FOXN3: variants seen among roughly 807,000 people sequenced by gnomAD.
FOXN3 encodes forkhead box N3.
A neutral mutation model predicts 38.4 loss-of-function variants in FOXN3; 7 were observed. The observed-to-expected ratio is 0.18, with a 90% CI of 0.10 to 0.34. The LOEUF is 0.34. Ranked by LOEUF, FOXN3 falls within the 10% of genes least tolerant of loss-of-function variation. The pLI, the probability that FOXN3 is intolerant of heterozygous loss-of-function variation, is 1.00. For missense variants in FOXN3, 456 were observed against 613.4 expected, an observed-to-expected ratio of 0.74 and a Z score of 2.71; for synonymous variants, 230 against 242.2, an observed-to-expected ratio of 0.95 and a Z score of 0.47.
chr14:89,293,629 T>C (rs560832460), intron 3 of FOXN3, among the ~76,000 whole-genome samples: 2 of 152,278 alleles, frequency 1.3e-5, no homozygotes, highest in Non-Finnish European at 2.9e-5. Context: ...CCCACTCCAG[T>C]GTGACCTCAT....
At chr14:89,487,185 A>G (rs1272457716) in intron 1 of FOXN3, among the ~76,000 whole-genome samples, 1 of 152,252 alleles carries the variant, frequency 6.6e-6, no homozygotes, top group African/African-American at 2.4e-5. Flanking sequence ...GCTGCAAGTT[A>G]TCAGGCCATG....
intron 1 of FOXN3, among the ~76,000 whole-genome samples, chr14:89,554,389 G>A (rs1404826600): frequency 6.6e-6 from 1 of 152,136 alleles, no homozygotes; most frequent in East Asian, 1.9e-4. Context: ...CTCCGCCTAG[G>A]TCTTCCAAAG....
chr14:89,477,751 C>A (rs1470530352), intron 1 of FOXN3, among the ~76,000 whole-genome samples: 1 of 152,106 alleles, frequency 6.6e-6, no homozygotes, highest in African/African-American at 2.4e-5. Flanking sequence ...TTTCTGAATT[C>A]TTGGAAGACA....
intron 1 of FOXN3, among the ~76,000 whole-genome samples, chr14:89,568,412 CT>C (rs1048914059): frequency 5.9e-5 from 9 of 152,184 alleles, no homozygotes; most frequent in African/African-American, 1.9e-4. Context: ...CTCCCTGCCC[CT>C]GACCACCTCC....
chr14:89,379,917 TC>T (rs1397566166), intron 2 of FOXN3, among the ~76,000 whole-genome samples: 6 of 152,174 alleles, frequency 3.9e-5, no homozygotes, highest in Admixed American at 1.3e-4. Flanking sequence ...TGCCTCAGCC[TC>T]CCAAAGTGCT....
upstream of FOXN3, among the ~76,000 whole-genome samples, chr14:89,420,976 AC>A (rs1891889012): frequency 6.6e-6 from 1 of 152,036 alleles, no homozygotes; most frequent in Non-Finnish European, 1.5e-5. Flanking sequence ...AACCAGCAGA[AC>A]AACTCAGAAA....
At chr14:89,619,010 G>A (rs565865178) in intron 1 of FOXN3, 2 of 152,456 alleles carry the variant, frequency 1.3e-5, no homozygotes, top group Non-Finnish European at 2.9e-5. Context: ...GGCAGGAAAT[G>A]AGCCCCATTT....
chr14:89,404,017 G>A (rs1008016330), intron 2 of FOXN3, among the ~76,000 whole-genome samples: 2 of 152,212 alleles, frequency 1.3e-5, no homozygotes, highest in Non-Finnish European at 2.9e-5. Flanking sequence ...GACCATGAGT[G>A]CCTTACAGGC....
In FOXN3 at chr14:89,280,931, G is replaced by T. The variant is rs766543657; in HGVS notation, c.745+19C>A. On this transcript the variant is annotated intron_variant, in intron 4 of 5. Coordinates refer to ENST00000557258, the MANE Select transcript of FOXN3 (RefSeq NM_005197.4). ...TGGGTGAGGGGGAGGGAGAGGAAGGGGTGTTACTAGGGACCTACCTTGGAG... is the reference window on the plus strand; with the variant it reads ...TGGGTGAGGGGGAGGGAGAGGAAGGTGTGTTACTAGGGACCTACCTTGGAG... 3 of 1,607,432 alleles carry T rather than the reference G, an allele frequency of 1.9e-6. No homozygotes were observed. The highest frequency in any genetic ancestry group is 3.3e-5 in the Admixed American group (2 of 59,896).
chr14:89,363,659 G>C (rs961165496), intron 2 of FOXN3, among the ~76,000 whole-genome samples: 4 of 152,234 alleles, frequency 2.6e-5, no homozygotes, highest in African/African-American at 9.6e-5. Context: ...GGGAAAGGCA[G>C]TTAATCCACT....
At chr14:89,432,406 A>T (rs4904574) in intron 1 of FOXN3, among the ~76,000 whole-genome samples, 1 of 151,980 alleles carries the variant, frequency 6.6e-6, no homozygotes. Context: ...CCAAGTACCC[A>T]ATGACTGCGA....
chr14:89,243,970 A>G (rs1019670676), intron 4 of FOXN3, among the ~76,000 whole-genome samples: 62 of 152,304 alleles, frequency 4.1e-4, no homozygotes, highest in African/African-American at 1.5e-3. Context: ...ATAGAAAGCT[A>G]TCTTCAGCCC....
At chr14:89,601,730 G>A (rs985489455) in intron 1 of FOXN3, among the ~76,000 whole-genome samples, 13 of 152,044 alleles carry the variant, frequency 8.6e-5, no homozygotes, top group Non-Finnish European at 1.8e-4. Flanking sequence ...AAAACCAAAG[G>A]AAAAATGAGT....
At chr14:89,482,909 G>GGA (rs1893367568) in intron 1 of FOXN3, among the ~76,000 whole-genome samples, 1 of 144,110 alleles carries the variant, frequency 6.9e-6, no homozygotes, top group Non-Finnish European at 1.5e-5. Flanking sequence ...GACCCTGTAT[G>GGA]AAAAAAAAAA....
intron 3 of FOXN3, among the ~76,000 whole-genome samples, chr14:89,333,994 ATATATATATATATATG>A (rs1293927678): frequency 0.014 from 847 of 62,408 alleles, 15 homozygotes; most frequent in Admixed American, 0.041. Flanking sequence ...ATATATATAT[ATATATATATATATATG>A]TATATAAATG....
intron 3 of FOXN3, among the ~76,000 whole-genome samples, chr14:89,283,142 C>T (rs961245598): frequency 6.6e-6 from 1 of 152,082 alleles, no homozygotes; most frequent in Non-Finnish European, 1.5e-5. Context: ...GCTCCCTGGC[C>T]CATATCTACA....
rs868543552 is a variant in FOXN3, at chr14:89,312,051, G to A, written c.681-31037C>T. 9.2e-5 allele frequency among the ~76,000 whole-genome samples: 14 copies of A among 151,994 alleles called. 2 individuals carry two copies. The Middle Eastern group carries it at 0.02, about 222-fold the overall frequency. On this transcript the variant is annotated intron_variant, in intron 3 of 5. Transcript: ENST00000557258. ...TGTAATGCCAGCACTTGGGGAGGCC[G>A]AGGCAGGCGGATCATTTGAGGTCAG... is the stretch of plus-strand genomic sequence containing the variant.
At chr14:89,189,054 C>T (rs1002785082) in intron 4 of FOXN3, among the ~76,000 whole-genome samples, 4 of 152,044 alleles carry the variant, frequency 2.6e-5, no homozygotes, top group South Asian at 2.1e-4. Context: ...CTAGACTGTT[C>T]GGAACAGGTA....
At position 89,230,150 on chromosome 14, in the gene FOXN3, C is replaced by T. The variant is rs555428866; in HGVS notation, c.746-49344G>A. 3.3e-5 allele frequency among the ~76,000 whole-genome samples: 5 copies of T among 152,350 alleles called. No individual in the cohort carries two copies. In the South Asian group the frequency reaches 1.0e-3, roughly 32 times the overall value. ...AGGGAGGAAGGTATATCCCACCATG[C>T]TATCATGTGATTTGCTTATATGTCT... On this transcript the variant is annotated intron_variant, in intron 4 of 5. Coordinates refer to ENST00000557258, the MANE Select transcript of FOXN3 (RefSeq NM_005197.4).
Sources: allele counts gnomAD v4.1 joint callset (sites outside exome capture counted in the v4.1 genomes callset), GRCh38; gene constraint gnomAD v4.1.1; transcripts MANE v1.5; gene names NCBI Gene and HGNC (gene_info 2026-07-23, HGNC 2026-07-21).